GRIK1: variants seen among roughly 807,000 people sequenced by gnomAD.
GRIK1 encodes the protein glutamate ionotropic receptor kainate type subunit 1.
In GRIK1, 69 loss-of-function variants were observed where a neutral mutation model predicts 105.7. That is an observed-to-expected ratio of 0.65 (90% confidence interval 0.54 to 0.80). The LOEUF is 0.80. GRIK1 is among the 30% of genes least tolerant of loss of function. GRIK1 has a pLI of 0.00. For synonymous variants in GRIK1, 438 were observed against 431.3 expected (o/e 1.02, Z -0.19); for missense variants, 1,109 against 1,167.3 (o/e 0.95, Z 0.73).
At chr21:29,588,338 T>G (rs975708453) in intron 11 of GRIK1, among the ~76,000 whole-genome samples, 16 of 152,186 alleles carry the variant, frequency 1.1e-4, no homozygotes, top group African/African-American at 3.9e-4. Context: ...AAATCTCACC[T>G]TGAATTGTAA....
At chr21:29,688,846 C>T (rs1423381018) in intron 3 of GRIK1, among the ~76,000 whole-genome samples, 2 of 151,704 alleles carry the variant, frequency 1.3e-5, no homozygotes, top group African/African-American at 2.4e-5. Flanking sequence ...AAGTGAGGTG[C>T]CAGCCTCAGA....
intron 1 of GRIK1, among the ~76,000 whole-genome samples, chr21:29,913,459 G>A (rs1337368167): frequency 1.3e-5 from 2 of 151,872 alleles, no homozygotes; most frequent in South Asian, 2.1e-4. Flanking sequence ...AAGTATCCAC[G>A]ACTTTATGCT....
In GRIK1 at chr21:29,651,434, C is replaced by T. The variant is rs150540459; in HGVS notation, c.781-143G>A. ...TGTGGTTCATGGTTTCAGTTACCTG[C>T]GGTCAACCACAGTTGGAACATGTTA... On this transcript the variant is annotated intron_variant, in intron 5 of 17. Transcript: ENST00000327783. The T allele has an allele frequency of 6.7e-4, 388 of 576,188 alleles. 1 individual carries two copies. Among genetic ancestry groups the T allele is most frequent in the African/African-American group, 6.7e-3 (350 of 52,272 alleles). 35.7% of individuals were successfully genotyped at this position (576,188 alleles called of 1,614,324 possible). A position where few individuals can be genotyped will look rare whatever the true frequency, so the allele number is the denominator to read the frequency against.
At chr21:29,821,741 C>T (rs1175420382) in intron 1 of GRIK1, among the ~76,000 whole-genome samples, 2 of 151,970 alleles carry the variant, frequency 1.3e-5, no homozygotes, top group African/African-American at 2.4e-5. Context: ...CATGTATGGT[C>T]TGTAAGTGGT....
intron 1 of GRIK1, among the ~76,000 whole-genome samples, chr21:29,812,942 T>C (rs2067050909): frequency 6.6e-6 from 1 of 152,166 alleles, no homozygotes; most frequent in South Asian, 2.1e-4. Context: ...TTTTTAATGC[T>C]AAGAGAAAAA....
chr21:29,700,634 C>T (rs1209347520), intron 1 of GRIK1, among the ~76,000 whole-genome samples: 1 of 152,084 alleles, frequency 6.6e-6, no homozygotes, highest in East Asian at 1.9e-4. Flanking sequence ...TACTTCCTAA[C>T]CTGCTTTTCA....
At chr21:29,811,715 A>G (rs144623143) in intron 1 of GRIK1, among the ~76,000 whole-genome samples, 4 of 152,174 alleles carry the variant, frequency 2.6e-5, no homozygotes, top group Non-Finnish European at 5.9e-5. Flanking sequence ...TCCTCCCGTG[A>G]CTTCCTATCC....
chr21:29,748,543 T>G (rs927831621), intron 1 of GRIK1, among the ~76,000 whole-genome samples: 15 of 152,368 alleles, frequency 9.8e-5, no homozygotes, highest in Non-Finnish European at 1.9e-4. Flanking sequence ...TGGGCAACTT[T>G]GTGCAATGTT....
chr21:29,863,250 G>A (rs1017719383), intron 1 of GRIK1, among the ~76,000 whole-genome samples: 10 of 152,120 alleles, frequency 6.6e-5, no homozygotes, highest in African/African-American at 2.4e-4. Flanking sequence ...GATATCCGTT[G>A]CTAGAAATTC....
At chr21:29,595,749 GAA>G (rs1363399572) in intron 9 of GRIK1, among the ~76,000 whole-genome samples, 1 of 152,100 alleles carries the variant, frequency 6.6e-6, no homozygotes, top group African/African-American at 2.4e-5. Context: ...AGGAGGAAGA[GAA>G]AGAGAGAGAA....
At chr21:29,777,686 G>A (rs549808371) in intron 1 of GRIK1, among the ~76,000 whole-genome samples, 1 of 152,284 alleles carries the variant, frequency 6.6e-6, no homozygotes, top group Admixed American at 6.5e-5. Context: ...AAGGCCAATG[G>A]CAGCACGCTG....
chr21:29,849,013 G>A (rs1026836528), intron 1 of GRIK1, among the ~76,000 whole-genome samples: 1 of 151,756 alleles, frequency 6.6e-6, no homozygotes, highest in African/African-American at 2.4e-5. Flanking sequence ...ACCCAAATCT[G>A]TTTTGTTAAC....
intron 1 of GRIK1, among the ~76,000 whole-genome samples, chr21:29,801,696 T>G (rs575609207): frequency 6.6e-6 from 1 of 152,194 alleles, no homozygotes; most frequent in Admixed American, 6.6e-5. Flanking sequence ...TATTGAAAAC[T>G]ATATGTATAT....
chr21:29,845,245 G>A (rs2068082501), intron 1 of GRIK1, among the ~76,000 whole-genome samples: 1 of 151,430 alleles, frequency 6.6e-6, no homozygotes, highest in Admixed American at 6.6e-5. Flanking sequence ...CTCTTTTTCA[G>A]GAATACTGAT....
chr21:29,611,046 A>G (rs955259459), intron 7 of GRIK1, among the ~76,000 whole-genome samples: 17 of 152,048 alleles, frequency 1.1e-4, no homozygotes, highest in African/African-American at 3.6e-4. Flanking sequence ...TTATGACACA[A>G]TAGGGAACTG....
intron 7 of GRIK1, among the ~76,000 whole-genome samples, chr21:29,628,337 C>A (rs1025086763): frequency 6.6e-6 from 1 of 152,184 alleles, no homozygotes; most frequent in African/African-American, 2.4e-5. Flanking sequence ...ATCATATGTT[C>A]ATCTGTTCAA....
intron 1 of GRIK1, among the ~76,000 whole-genome samples, chr21:29,719,533 A>G (rs533530752): frequency 6.6e-6 from 1 of 152,230 alleles, no homozygotes; most frequent in Non-Finnish European, 1.5e-5. Flanking sequence ...AATTTAAAAC[A>G]TATAGGTTTC....
intron 1 of GRIK1, among the ~76,000 whole-genome samples, chr21:29,783,802 CTT>C (rs1411291567): frequency 6.6e-6 from 1 of 152,176 alleles, no homozygotes; most frequent in African/African-American, 2.4e-5. Flanking sequence ...ACTTTATTGA[CTT>C]TGAAAACATA....
chr21:29,910,980 T>G (rs1461254901), intron 1 of GRIK1, among the ~76,000 whole-genome samples: 2 of 152,072 alleles, frequency 1.3e-5, no homozygotes, highest in African/African-American at 4.8e-5. Context: ...TTATTTTGAT[T>G]ATTATTTTAA....
Sources: allele counts gnomAD v4.1 joint callset (sites outside exome capture counted in the v4.1 genomes callset), GRCh38; gene constraint gnomAD v4.1.1; transcripts MANE v1.5; gene names NCBI Gene and HGNC (gene_info 2026-07-23, HGNC 2026-07-21).